CCDC68: variants seen among roughly 807,000 people sequenced by gnomAD.
CCDC68 encodes coiled-coil domain containing 68, also known as coiled-coil domain-containing protein 68.
In CCDC68, 45 loss-of-function variants were observed where a neutral mutation model predicts 47.1. That is an observed-to-expected ratio of 0.96 (90% CI 0.75 to 1.23). The LOEUF is 1.23. CCDC68 is among the 50% of genes most tolerant of loss of function. CCDC68 has a pLI of 0.00. For synonymous variants in CCDC68, 131 were observed against 129.5 expected, an observed-to-expected ratio of 1.01 and a Z score of -0.08; for missense variants, 353 against 373.6, an observed-to-expected ratio of 0.94 and a Z score of 0.45.
intron 7 of CCDC68, 138 bp from the exon 8 acceptor site, chr18:54,929,020 C>T: frequency 1.6e-6 from 1 of 628,616 alleles, no homozygotes; most frequent in Non-Finnish European, 2.8e-6. Context: ...TTCAAGGAAA[C>T]CTGGCCAAGT....
chr18:54,919,537 A>G (rs2044017497), intron 8 of CCDC68, among the ~76,000 whole-genome samples, 161 bp from the exon 9 acceptor site: 1 of 152,230 alleles, frequency 6.6e-6, no homozygotes, highest in South Asian at 2.1e-4. Flanking sequence ...CTGAAGATAA[A>G]TAGCTATGAA....
chr18:54,942,818 A>G lies in CCDC68; in HGVS notation c.-12-15T>C, dbSNP rs1380919597. On this transcript the variant is annotated splice_polypyrimidine_tract_variant and intron_variant, in intron 2 of 11. Coordinates refer to ENST00000591504, the MANE Select transcript of CCDC68 (RefSeq NM_025214.3). ...GTGAATTCTGGCTTTAGGAAAACAT[A>G]AATCAGCTAAGCAAAACAGACTGTT... is the stretch of plus-strand genomic sequence containing the variant. 1 of 1,374,462 alleles carries G rather than the reference A, an allele frequency of 7.3e-7. No homozygotes were observed. Among genetic ancestry groups the G allele is most frequent in the Non-Finnish European group, 1.0e-6 (1 of 963,988 alleles). The allele number at this position is 1,374,462 out of a possible 1,614,324, so 85.1% of individuals were successfully genotyped here.
intron 10 of CCDC68, among the ~76,000 whole-genome samples, chr18:54,908,843 G>T (rs1265922820): frequency 6.6e-6 from 1 of 151,888 alleles, no homozygotes; most frequent in Non-Finnish European, 1.5e-5. Flanking sequence ...CCGAATAGCT[G>T]GGACCACAAG....
intron 1 of CCDC68, among the ~76,000 whole-genome samples, chr18:54,952,141 A>G (rs1454228737): frequency 2.6e-5 from 4 of 152,120 alleles, no homozygotes; most frequent in African/African-American, 4.8e-5. Context: ...TCTTTCCTTA[A>G]CCCATCAGCC....
At chr18:54,904,707 G>A (rs1456901558) in intron 11 of CCDC68, among the ~76,000 whole-genome samples, 1 of 152,162 alleles carries the variant, frequency 6.6e-6, no homozygotes, top group African/African-American at 2.4e-5. Context: ...ATTCCACCTG[G>A]TGAAGACATT....
At chr18:54,958,572 G>A (rs1261703692) in intron 1 of CCDC68, among the ~76,000 whole-genome samples, 1 of 152,120 alleles carries the variant, frequency 6.6e-6, no homozygotes, top group Admixed American at 6.5e-5. Context: ...TGGGGAGCAG[G>A]TACACCTTCA....
chr18:54,949,941 G>T (rs969767951), intron 1 of CCDC68, among the ~76,000 whole-genome samples: 2 of 152,142 alleles, frequency 1.3e-5, no homozygotes, highest in African/African-American at 4.8e-5. Context: ...GTATCCAGTG[G>T]CCAGTGTCCA....
At chr18:54,956,480 G>A (rs992140195) in intron 1 of CCDC68, among the ~76,000 whole-genome samples, 1 of 152,198 alleles carries the variant, frequency 6.6e-6, no homozygotes, top group Admixed American at 6.5e-5. Context: ...CTGCACCAAT[G>A]TATCTGTTTT....
chr18:54,932,347 G>A (rs1373767111), intron 7 of CCDC68, among the ~76,000 whole-genome samples: 1 of 151,696 alleles, frequency 6.6e-6, no homozygotes, highest in Non-Finnish European at 1.5e-5. Flanking sequence ...ACCATGCCCA[G>A]CTAATTTTTG....
intron 10 of CCDC68, among the ~76,000 whole-genome samples, chr18:54,911,220 T>TA (rs36048227): frequency 0.46 from 69,225 of 151,900 alleles, 16,177 homozygotes; most frequent in East Asian, 0.55. Flanking sequence ...GCCATTTTTG[T>TA]ATTTTTTTTA....
chr18:54,914,693 A>T (rs2043915270), intron 10 of CCDC68, among the ~76,000 whole-genome samples: 1 of 152,188 alleles, frequency 6.6e-6, no homozygotes, highest in African/African-American at 2.4e-5. Flanking sequence ...CTAAGACAAC[A>T]CTGAGAGGTT....
intron 5 of CCDC68, chr18:54,937,220 T>A: frequency 2.6e-6 from 1 of 391,154 alleles, no homozygotes; most frequent in South Asian, 3.3e-5. Flanking sequence ...CGTCCTGCAG[T>A]GATAGTCCTC....
chr18:54,923,778 C>A (rs1427846348), intron 8 of CCDC68, among the ~76,000 whole-genome samples: 1 of 151,510 alleles, frequency 6.6e-6, no homozygotes, highest in African/African-American at 2.4e-5. Context: ...ATGATGCAAT[C>A]TCGGCTCACT....
chr18:54,936,687 A>G, intron 6 of CCDC68, 146 bp downstream of exon 6: 1 of 977,286 alleles, frequency 1.0e-6, no homozygotes, highest in Admixed American at 2.3e-5. Flanking sequence ...AATTGGCAAA[A>G]GAGACAAGCA....
chr18:54,907,960 G>A, intron 10 of CCDC68, 98 bp from the exon 11 acceptor site: 1 of 725,812 alleles, frequency 1.4e-6, no homozygotes, highest in East Asian at 2.6e-5. Flanking sequence ...TCACTCGTTG[G>A]CAGCAAGTTT....
At chr18:54,909,527 C>T (rs960204853) in intron 10 of CCDC68, among the ~76,000 whole-genome samples, 2 of 152,108 alleles carry the variant, frequency 1.3e-5, no homozygotes, top group Non-Finnish European at 2.9e-5. Context: ...TACTTGGTTC[C>T]GTTGGGCTCA....
intron 1 of CCDC68, among the ~76,000 whole-genome samples, chr18:54,958,876 A>T (rs1466039504): frequency 6.6e-6 from 1 of 152,210 alleles, no homozygotes. Context: ...GAATGAAGAC[A>T]GCCACCTTCA....
chr18:54,905,552 C>T (rs1462008219), intron 11 of CCDC68, among the ~76,000 whole-genome samples: 1 of 151,958 alleles, frequency 6.6e-6, no homozygotes, highest in Non-Finnish European at 1.5e-5. Flanking sequence ...TTTCTAATTT[C>T]AGTCTTAACA....
In CCDC68 at chr18:54,948,849, T is replaced by G. The variant is rs150230091; in HGVS notation, c.-102-3372A>C. Among the ~76,000 whole-genome samples, 590 of 152,272 alleles carry G rather than the reference T, an allele frequency of 3.9e-3. 2 individuals carry two copies. The highest frequency in any genetic ancestry group is 5.4e-3 in the Non-Finnish European group (370 of 68,026). On this transcript the variant is annotated intron_variant, in intron 1 of 11. Transcript: ENST00000591504. ...GTTCTAGATGAGCAGTGAGGGAAGC[T>G]GATCTGAGGAGGTGGTATTTGAGCA... is the stretch of plus-strand genomic sequence containing the variant.
Sources: allele counts gnomAD v4.1 joint callset (sites outside exome capture counted in the v4.1 genomes callset), GRCh38; gene constraint gnomAD v4.1.1; transcripts MANE v1.5; gene names NCBI Gene and HGNC (gene_info 2026-07-23, HGNC 2026-07-21).